The following SCLT1 variants were observed in gnomAD, a reference collection of about 807,000 sequenced individuals.
SCLT1 encodes the protein sodium channel-associated protein 1.
Under a neutral mutation model 112.8 loss-of-function variants are expected in SCLT1, and 78 were observed. That is an observed-to-expected ratio of 0.69 (90% CI 0.58 to 0.83). The LOEUF (loss-of-function observed/expected upper bound fraction) is 0.83. Ranked by LOEUF, SCLT1 falls within the 40% of genes least tolerant of loss-of-function variation. The pLI, the probability that SCLT1 is intolerant of heterozygous loss-of-function variation, is 0.00. For missense variants in SCLT1, 747 were observed against 770.4 expected (o/e 0.97, Z 0.36); for synonymous variants, 257 against 254.7 (o/e 1.01, Z -0.09).
At chr4:129,043,769 T>G (rs2125699501) in intron 3 of SCLT1, among the ~76,000 whole-genome samples, 1 of 152,272 alleles carries the variant, frequency 6.6e-6, no homozygotes, top group Middle Eastern at 3.4e-3. Context: ...ACAAAAATGT[T>G]TCTAGACATT....
At chr4:128,964,482 G>C (rs1273908305) in intron 11 of SCLT1, among the ~76,000 whole-genome samples, 1 of 152,148 alleles carries the variant, frequency 6.6e-6, no homozygotes, top group African/African-American at 2.4e-5. Flanking sequence ...CCTTCTGGAG[G>C]ACCAAAAGAA....
intron 2 of SCLT1, among the ~76,000 whole-genome samples, chr4:129,049,232 A>C (rs1748506731): frequency 6.6e-6 from 1 of 151,742 alleles, no homozygotes; most frequent in East Asian, 1.9e-4. Flanking sequence ...AACCAACCCA[A>C]ATGTCCAACA....
intron 5 of SCLT1, among the ~76,000 whole-genome samples, chr4:129,020,297 T>C (rs1307574643): frequency 6.6e-6 from 1 of 152,170 alleles, no homozygotes; most frequent in Non-Finnish European, 1.5e-5. Context: ...ATATATATAC[T>C]GGATATGTTA....
chr4:128,881,925 T>G (rs1732651908), downstream of SCLT1, among the ~76,000 whole-genome samples: 1 of 152,198 alleles, frequency 6.6e-6, no homozygotes, highest in Non-Finnish European at 1.5e-5. Flanking sequence ...CAGCCTATTC[T>G]TCTCTTGGAG....
At chr4:129,003,701 T>C in intron 6 of SCLT1, 40 bp downstream of exon 6, 1 of 1,474,590 alleles carries the variant, frequency 6.8e-7, no homozygotes. Flanking sequence ...AAAAGGTATG[T>C]TAATTCAGAA....
At chr4:129,042,047 A>C (rs2125696748) in intron 4 of SCLT1, among the ~76,000 whole-genome samples, 1 of 152,178 alleles carries the variant, frequency 6.6e-6, no homozygotes, top group South Asian at 2.1e-4. Context: ...ACACCTGGCC[A>C]GGCTGCTTTA....
intron 11 of SCLT1, among the ~76,000 whole-genome samples, chr4:128,964,390 T>TA: frequency 6.6e-6 from 1 of 152,268 alleles, no homozygotes; most frequent in East Asian, 1.9e-4. Flanking sequence ...TGGGTAAAGG[T>TA]ATCCGAAGGG....
At chr4:129,003,630 A>G in intron 6 of SCLT1, 111 bp downstream of exon 6, 3 of 897,118 alleles carry the variant, frequency 3.3e-6, no homozygotes, top group Non-Finnish European at 4.9e-6. Context: ...ACTGTAAAAA[A>G]TCATAATGTT....
intron 7 of SCLT1, among the ~76,000 whole-genome samples, chr4:128,999,003 A>G (rs1743235788): frequency 6.6e-6 from 1 of 152,094 alleles, no homozygotes; most frequent in Non-Finnish European, 1.5e-5. Flanking sequence ...AAGAACCAAC[A>G]GAAGAATAAA....
At chr4:129,017,047 C>T (rs1459464145) in intron 5 of SCLT1, among the ~76,000 whole-genome samples, 1 of 152,178 alleles carries the variant, frequency 6.6e-6, no homozygotes, top group Non-Finnish European at 1.5e-5. Context: ...GTTTGATATG[C>T]TGCTCATTTT....
intron 18 of SCLT1, among the ~76,000 whole-genome samples, chr4:128,917,825 T>C (rs1003559977): frequency 6.6e-6 from 1 of 152,222 alleles, no homozygotes; most frequent in Non-Finnish European, 1.5e-5. Flanking sequence ...ACTTGGGATC[T>C]GACCCTGTTA....
chr4:129,083,576 G>A (rs963809356), intron 1 of SCLT1, among the ~76,000 whole-genome samples: 3 of 151,994 alleles, frequency 2.0e-5, no homozygotes, highest in African/African-American at 7.3e-5. Flanking sequence ...AGAATCACTG[G>A]AGCCTAGGAG....
At chr4:128,890,563 A>T (rs1260432426) in intron 19 of SCLT1, among the ~76,000 whole-genome samples, 1 of 152,158 alleles carries the variant, frequency 6.6e-6, no homozygotes, top group African/African-American at 2.4e-5. Context: ...AAATGAAGAG[A>T]TCTAAAAAGC....
At chr4:128,997,788 C>T in intron 8 of SCLT1, 86 bp downstream of exon 8, 1 of 621,858 alleles carries the variant, frequency 1.6e-6, no homozygotes, top group Admixed American at 3.6e-5. Context: ...TTTCGTGCAG[C>T]ATGCTTATTG....
chr4:128,939,241 A>G (rs556557867), intron 17 of SCLT1, among the ~76,000 whole-genome samples: 20 of 152,116 alleles, frequency 1.3e-4, no homozygotes, highest in Non-Finnish European at 2.1e-4. Flanking sequence ...TTCTTTTCAC[A>G]TGCTGTTTCT....
At chr4:128,989,911 A>G (rs1028632129) in intron 9 of SCLT1, among the ~76,000 whole-genome samples, 1 of 151,360 alleles carries the variant, frequency 6.6e-6, no homozygotes, top group African/African-American at 2.4e-5. Flanking sequence ...GAAGAAATAC[A>G]AAACTTGAAT....
chr4:128,933,104 A>C (rs78540972), intron 18 of SCLT1, among the ~76,000 whole-genome samples: 8,087 of 152,232 alleles, frequency 0.053, 304 homozygotes, highest in Non-Finnish European at 0.083. Flanking sequence ...GATGATCCAA[A>C]AATTTGTATG....
chr4:128,978,762 C>T (rs1579576862), intron 9 of SCLT1, among the ~76,000 whole-genome samples: 1 of 152,034 alleles, frequency 6.6e-6, no homozygotes, highest in East Asian at 1.9e-4. Flanking sequence ...GTCTATACAT[C>T]TGAAGTCTTA....
chr4:129,027,794 A>C (rs928589906), intron 5 of SCLT1, among the ~76,000 whole-genome samples: 4 of 152,258 alleles, frequency 2.6e-5, no homozygotes, highest in Middle Eastern at 3.2e-3. Flanking sequence ...TCTCAGCCCA[A>C]AATCTCCTTA....
Sources: gnomAD v4.1 joint callset for allele counts (sites outside exome capture counted in the v4.1 genomes callset) on GRCh38, gnomAD v4.1.1 for gene constraint, MANE v1.5 for transcripts, NCBI Gene and HGNC (gene_info 2026-07-23, HGNC 2026-07-21) for gene names.